Variants in KNTC1 observed in about 807,000 individuals in gnomAD.
KNTC1 encodes kinetochore associated 1.
KNTC1 carries 253 observed loss-of-function variants against 314.4 expected under a neutral mutation model. The observed-to-expected ratio is 0.80, with a 90% CI of 0.73 to 0.89. The LOEUF is 0.89. KNTC1 is among the 40% of genes least tolerant of loss of function. The pLI, the probability that KNTC1 is intolerant of heterozygous loss-of-function variation, is 0.00. For missense variants in KNTC1, 2,475 were observed against 2,572.9 expected (o/e 0.96, Z 0.82); for synonymous variants, 901 against 901.4 (o/e 1.00, Z 0.01).
At chr12:122,531,954 C>T (rs1394707620) in intron 2 of KNTC1, among the ~76,000 whole-genome samples, 7 of 151,304 alleles carry the variant, frequency 4.6e-5, no homozygotes, top group African/African-American at 1.2e-4. Flanking sequence ...AGGATGGTCT[C>T]GATCTCCTGA....
Position 122,601,566 on chromosome 12 carries a change from G to A in KNTC1, c.4594G>A (p.Val1532Ile), listed in dbSNP as rs751600300. The change falls in exon 45 of 64, where the codon GTT becomes ATT. Residue 1532 changes from valine to isoleucine, a missense_variant. Coordinates refer to ENST00000333479, the MANE Select transcript of KNTC1 (RefSeq NM_014708.6). ...LDPYDYEMIEVVLKVIERADE... is the reference protein window; with the variant it reads ...LDPYDYEMIEIVLKVIERADE... Reference sequence around the variant, plus strand: ...TCCTTATGACTATGAAATGATTGAAGTTGTCTTGAAAGTTATAGAACGAGC... The same window carrying A: ...TCCTTATGACTATGAAATGATTGAAATTGTCTTGAAAGTTATAGAACGAGC... 15 of 1,538,156 alleles carry A rather than the reference G, an allele frequency of 9.8e-6. No individual in the cohort carries two copies. The South Asian group carries it at 1.6e-4, about 17-fold the overall frequency.
chr12:122,570,567 A>G (rs1434245155), intron 22 of KNTC1, among the ~76,000 whole-genome samples: 1 of 152,098 alleles, frequency 6.6e-6, no homozygotes, highest in East Asian at 1.9e-4. Context: ...AAGAGAGTCA[A>G]TAATAACTTA....
intron 37 of KNTC1, 68 bp downstream of exon 37, chr12:122,585,842 T>A: frequency 1.3e-6 from 2 of 1,491,094 alleles, no homozygotes; most frequent in Non-Finnish European, 9.3e-7. Flanking sequence ...TGTAGAGGTT[T>A]GGAGCTAGAA....
chr12:122,591,328 A>AT lies in KNTC1; in HGVS notation c.4129-3dup. Reference sequence around the variant, plus strand: ...ACGATTGAACTTTAATTCTCTTTTAATTTTTTAGGCAATATCTCTGGTGGG... The same window carrying AT: ...ACGATTGAACTTTAATTCTCTTTTAATTTTTTTAGGCAATATCTCTGGTGGG... On this transcript the variant is annotated splice_polypyrimidine_tract_variant and intron_variant, in intron 41 of 63. Coordinates refer to ENST00000333479, the MANE Select transcript of KNTC1 (RefSeq NM_014708.6). 2 of 1,452,508 alleles carry AT rather than the reference A, an allele frequency of 1.4e-6. No individual in the cohort carries two copies. The highest frequency in any genetic ancestry group is 1.1e-5 in the South Asian group (1 of 87,700). The allele number at this position is 1,452,508 out of a possible 1,614,324, so 90.0% of individuals were successfully genotyped here. A position where few individuals can be genotyped will look rare whatever the true frequency, so the allele number is the denominator to read the frequency against.
At chr12:122,600,917 T>C (rs1016192820) in intron 44 of KNTC1, among the ~76,000 whole-genome samples, 1 of 151,606 alleles carries the variant, frequency 6.6e-6, no homozygotes, top group Non-Finnish European at 1.5e-5. Flanking sequence ...CCACCCGCCT[T>C]GGCCTCCCAA....
At chr12:122,572,780 A>C (rs1161608870) in intron 24 of KNTC1, among the ~76,000 whole-genome samples, 157 bp from the exon 25 acceptor site, 1 of 152,222 alleles carries the variant, frequency 6.6e-6, no homozygotes, top group Non-Finnish European at 1.5e-5. Context: ...TGGTTAAAAT[A>C]CTACAAAATT....
chr12:122,533,366 A>G (rs963484355), intron 2 of KNTC1, among the ~76,000 whole-genome samples: 2 of 152,028 alleles, frequency 1.3e-5, no homozygotes, highest in African/African-American at 4.8e-5. Context: ...CAGTGCCTTC[A>G]TGTAACCTTT....
chr12:122,537,664 T>C (rs939836303), intron 3 of KNTC1, among the ~76,000 whole-genome samples: 2 of 151,860 alleles, frequency 1.3e-5, no homozygotes, highest in African/African-American at 4.8e-5. Context: ...GTGATCTGCC[T>C]GCTTCGGCCT....
intron 21 of KNTC1, 38 bp from the exon 22 acceptor site, chr12:122,569,643 A>C (rs556807670): frequency 6.3e-7 from 1 of 1,577,144 alleles, no homozygotes; most frequent in South Asian, 1.2e-5. Context: ...TTTGGTTTAA[A>C]TTTGTCAGAT....
chr12:122,555,321 G>T (rs1475307889), intron 16 of KNTC1, among the ~76,000 whole-genome samples: 2 of 152,206 alleles, frequency 1.3e-5, no homozygotes, highest in Non-Finnish European at 2.9e-5. Context: ...GGAGGCCAAG[G>T]TGGGTGGATT....
Position 122,588,933 on chromosome 12 carries a change from A to C in KNTC1, c.3999+117A>C, listed in dbSNP as rs1869763354. 5 of 516,586 alleles carry C rather than the reference A, an allele frequency of 9.7e-6. No individual in the cohort carries two copies. In the Admixed American group the frequency reaches 1.6e-4, roughly 17 times the overall value. 32.0% of individuals were successfully genotyped at this position (516,586 alleles called of 1,614,324 possible). On this transcript the variant is annotated intron_variant, in intron 40 of 63. Coordinates refer to ENST00000333479, the MANE Select transcript of KNTC1 (RefSeq NM_014708.6). ...TACAGTAGTATTTTACTATTCAAAA[A>C]CTTCAAGAAACTGTCTTATAGCTAA...
At chr12:122,581,530 T>A (rs1249182845) in intron 33 of KNTC1, among the ~76,000 whole-genome samples, 1 of 151,354 alleles carries the variant, frequency 6.6e-6, no homozygotes, top group Non-Finnish European at 1.5e-5. Flanking sequence ...AGTCTCACTC[T>A]GTTGCCCAGG....
chr12:122,573,870 T>C (rs1565972816), intron 26 of KNTC1, among the ~76,000 whole-genome samples: 1 of 152,184 alleles, frequency 6.6e-6, no homozygotes, highest in South Asian at 2.1e-4. Flanking sequence ...AAGTTTGCCC[T>C]AAGCAATTTC....
intron 61 of KNTC1, 149 bp from the exon 62 acceptor site, chr12:122,622,313 G>T: frequency 1.5e-6 from 1 of 684,950 alleles, no homozygotes; most frequent in Non-Finnish European, 2.5e-6. Context: ...CAAAAAGGAG[G>T]CGCAGTCACA....
Position 122,605,090 on chromosome 12 carries a change from G to A in KNTC1, c.5386+3G>A, listed in dbSNP as rs764096641. Reference sequence around the variant, plus strand: ...TTCATCTGGCACAGATTATCCTGGTGAGGACAAAACAATTTTTTTGTTGTC... The same window carrying A: ...TTCATCTGGCACAGATTATCCTGGTAAGGACAAAACAATTTTTTTGTTGTC... On this transcript the variant is annotated splice_donor_region_variant and intron_variant, in intron 50 of 63. Coordinates refer to ENST00000333479, the MANE Select transcript of KNTC1 (RefSeq NM_014708.6). 2.5e-6 allele frequency: 4 copies of A among 1,602,118 alleles called. No individual in the cohort carries two copies. Among genetic ancestry groups the A allele is most frequent in the Non-Finnish European group, 2.6e-6 (3 of 1,174,524 alleles).
intron 18 of KNTC1, among the ~76,000 whole-genome samples, chr12:122,559,997 T>A (rs1565955710): frequency 3.3e-5 from 5 of 152,154 alleles, no homozygotes; most frequent in Admixed American, 3.3e-4. Context: ...AACACAGACT[T>A]CCCATTTCTC....
At chr12:122,556,780 T>A (rs1417924451) in intron 16 of KNTC1, among the ~76,000 whole-genome samples, 1 of 152,120 alleles carries the variant, frequency 6.6e-6, no homozygotes, top group African/African-American at 2.4e-5. Flanking sequence ...TCTACTTTTA[T>A]GAGTTTGACT....
intron 20 of KNTC1, among the ~76,000 whole-genome samples, chr12:122,565,240 G>GT (rs34289528): frequency 0.079 from 7,807 of 99,272 alleles, 638 homozygotes; most frequent in African/African-American, 0.21. Flanking sequence ...CTCTTGAGTT[G>GT]TTTTTTTTTT....
rs1200717202 is a variant in KNTC1 at position 122,596,079 on chromosome 12, CT to C, written c.4356-1631del. Among the ~76,000 whole-genome samples, 314 of 111,392 alleles carry C rather than the reference CT, an allele frequency of 2.8e-3. 1 individual carries two copies. Among genetic ancestry groups the C allele is most frequent in the South Asian group, 0.022 (72 of 3,302 alleles). The allele number at this position is 111,392 out of a possible 152,430, so 73.1% of individuals were successfully genotyped here. A position where few individuals can be genotyped will look rare whatever the true frequency, so the allele number is the denominator to read the frequency against. The stretch of plus-strand genomic sequence containing the variant: ...TCATTTTGTCTATAGTAACCAGATT[CT>C]TTTTTTTTTTTTTTTTTTTTGAGAC... On this transcript the variant is annotated intron_variant, in intron 43 of 63. Coordinates refer to ENST00000333479, the MANE Select transcript of KNTC1 (RefSeq NM_014708.6).
Sources: gnomAD v4.1 joint callset for allele counts (sites outside exome capture counted in the v4.1 genomes callset) on GRCh38, gnomAD v4.1.1 for gene constraint, MANE v1.5 for transcripts, NCBI Gene and HGNC (gene_info 2026-07-23, HGNC 2026-07-21) for gene names.